Variants in GLIS3 observed in about 807,000 individuals in gnomAD.
GLIS3 encodes the protein zinc finger protein GLIS3.
GLIS3 carries 53 observed loss-of-function variants against 78.6 expected under a neutral mutation model. That is an observed-to-expected ratio of 0.67 (90% CI 0.54 to 0.85). The LOEUF (loss-of-function observed/expected upper bound fraction) is 0.85. Among genes scored for constraint, GLIS3 ranks in the 40% least tolerant of loss-of-function variants. The pLI, the probability that GLIS3 is intolerant of heterozygous loss-of-function variation, is 0.00. For synonymous variants in GLIS3, 684 were observed against 509.9 expected (o/e 1.34, Z -4.60); for missense variants, 1,703 against 1,231.1 (o/e 1.38, Z -5.74).
the GLIS3 span, among the ~76,000 whole-genome samples, chr9:4,374,916 A>G: frequency 6.6e-6 from 1 of 152,110 alleles, no homozygotes; most frequent in African/African-American, 2.4e-5. Context: ...CATCTCGAGC[A>G]TTTTTCTATG....
intron 2 of GLIS3, among the ~76,000 whole-genome samples, chr9:4,344,767 C>T (rs1817877606): frequency 6.6e-6 from 1 of 152,174 alleles, no homozygotes; most frequent in Admixed American, 6.5e-5. Context: ...TCCCTTACCA[C>T]AATCTTCCCC....
intron 2 of GLIS3, among the ~76,000 whole-genome samples, chr9:4,317,696 T>A (rs1216382321): frequency 2.0e-5 from 3 of 152,096 alleles, no homozygotes; most frequent in Non-Finnish European, 2.9e-5. Context: ...ACAGAAAAAA[T>A]TAAGAGAAAG....
At chr9:3,953,764 TCTCTCTCTCTCTC>T (rs1816859468) in intron 4 of GLIS3, among the ~76,000 whole-genome samples, 41 of 49,758 alleles carry the variant, frequency 8.2e-4, no homozygotes, top group African/African-American at 2.6e-3. Context: ...AGATTTGCTC[TCTCTCTCTCTCTC>T]TCTCTCTCTC....
intron 4 of GLIS3, among the ~76,000 whole-genome samples, chr9:4,021,737 C>G (rs1302799962): frequency 1.3e-5 from 2 of 152,116 alleles, no homozygotes; most frequent in Non-Finnish European, 2.9e-5. Flanking sequence ...AAGAAGTATC[C>G]AGGTATTCTG....
intron 9 of GLIS3, chr9:3,855,790 C>G: frequency 1.8e-6 from 1 of 564,506 alleles, no homozygotes; most frequent in Admixed American, 2.7e-5. Context: ...CTTGAGCTGA[C>G]CAGTGCGATG....
intron 2 of GLIS3, among the ~76,000 whole-genome samples, chr9:4,312,166 T>A (rs569041145): frequency 0.058 from 8,777 of 152,240 alleles, 820 homozygotes; most frequent in African/African-American, 0.2. Context: ...TTTGTTTTTT[T>A]AAAAGAAAGA....
chr9:3,984,506 C>G (rs1215472957), intron 4 of GLIS3, among the ~76,000 whole-genome samples: 2 of 152,206 alleles, frequency 1.3e-5, no homozygotes, highest in Non-Finnish European at 2.9e-5. Flanking sequence ...GCTGTATTTA[C>G]CCAATGCCTG....
At chr9:4,329,400 G>GA (rs1303513116) in intron 2 of GLIS3, among the ~76,000 whole-genome samples, 4 of 151,734 alleles carry the variant, frequency 2.6e-5, no homozygotes, top group Non-Finnish European at 5.9e-5. Context: ...ATTGACAACT[G>GA]AAAAAAAAGA....
chr9:4,387,213 G>C, the GLIS3 span, among the ~76,000 whole-genome samples: 1 of 152,212 alleles, frequency 6.6e-6, no homozygotes, highest in Non-Finnish European at 1.5e-5. Context: ...CTTCCTTAAA[G>C]TCTTAGCATG....
intron 4 of GLIS3, among the ~76,000 whole-genome samples, chr9:3,981,515 G>C (rs879284677): frequency 3.9e-5 from 6 of 152,098 alleles, no homozygotes; most frequent in Non-Finnish European, 5.9e-5. Context: ...CATGAGTCCG[G>C]GTTAAGTGCC....
chr9:4,266,088 T>C (rs556895100), intron 2 of GLIS3, among the ~76,000 whole-genome samples: 2 of 152,050 alleles, frequency 1.3e-5, no homozygotes, highest in South Asian at 4.2e-4. Flanking sequence ...CCGGCTAATT[T>C]TTTGTATTTT....
At chr9:4,007,721 T>C (rs148206294) in intron 4 of GLIS3, among the ~76,000 whole-genome samples, 355 of 152,140 alleles carry the variant, frequency 2.3e-3, no homozygotes, top group African/African-American at 8.4e-3. Flanking sequence ...AAAGGAAAGA[T>C]CACACACACA....
At chr9:4,168,277 A>C (rs924233593) in intron 2 of GLIS3, among the ~76,000 whole-genome samples, 3 of 152,170 alleles carry the variant, frequency 2.0e-5, no homozygotes, top group Non-Finnish European at 4.4e-5. Flanking sequence ...GTATATTTTA[A>C]AATAAAGGGT....
In GLIS3 at chr9:4,174,622, T is replaced by C. The variant is rs576323306; in HGVS notation, c.389-48681A>G. On this transcript the variant is annotated intron_variant, in intron 2 of 10. Coordinates refer to ENST00000381971, the MANE Select transcript of GLIS3 (RefSeq NM_001042413.2). ...TACCACAACTTCGCCTTTTATTGCA[T>C]ATGCTAAACAAGCAGATGCTAAGTC... Among the ~76,000 whole-genome samples, 5 of 152,332 alleles carry C rather than the reference T, an allele frequency of 3.3e-5. 1 individual carries two copies. The East Asian group carries it at 5.8e-4, about 18-fold the overall frequency.
upstream of GLIS3, among the ~76,000 whole-genome samples, chr9:4,301,168 C>T (rs949455643): frequency 6.6e-6 from 1 of 151,808 alleles, no homozygotes; most frequent in African/African-American, 2.4e-5. Context: ...CCAAAAGAAG[C>T]CTGGTTTCCA....
chr9:4,187,723 G>A (rs1817941016), intron 2 of GLIS3, among the ~76,000 whole-genome samples: 1 of 152,178 alleles, frequency 6.6e-6, no homozygotes, highest in South Asian at 2.1e-4. Context: ...TCCCTTGTAA[G>A]TTGGATTCCT....
chr9:3,924,378 G>A (rs1044240272), intron 6 of GLIS3, among the ~76,000 whole-genome samples: 1 of 152,164 alleles, frequency 6.6e-6, no homozygotes, highest in African/African-American at 2.4e-5. Flanking sequence ...TAGTTGCCAA[G>A]AAGGGAAAAT....
At chr9:4,424,765 T>C in the GLIS3 span, among the ~76,000 whole-genome samples, 1 of 152,150 alleles carries the variant, frequency 6.6e-6, no homozygotes. Flanking sequence ...AGACGGGATT[T>C]TGCCATGTTG....
intron 9 of GLIS3, among the ~76,000 whole-genome samples, chr9:3,839,809 A>C (rs1011524743): frequency 6.6e-6 from 1 of 152,204 alleles, no homozygotes; most frequent in African/African-American, 2.4e-5. Flanking sequence ...CTGCATCAAC[A>C]TTTTGGAAAG....
Sources: gnomAD v4.1 joint callset for allele counts (sites outside exome capture counted in the v4.1 genomes callset) on GRCh38, gnomAD v4.1.1 for gene constraint, MANE v1.5 for transcripts, NCBI Gene and HGNC (gene_info 2026-07-23, HGNC 2026-07-21) for gene names.